The following TSKS variants were observed in gnomAD, a reference collection of about 807,000 sequenced individuals.
The protein encoded by TSKS is testis specific serine kinase substrate.
TSKS carries 27 observed loss-of-function variants against 68.0 expected under a neutral mutation model. The ratio of observed to expected loss-of-function variants is 0.40; its 90% CI spans 0.29 to 0.55. The LOEUF (loss-of-function observed/expected upper bound fraction) is 0.55. Ranked by LOEUF, TSKS falls within the 20% of genes least tolerant of loss-of-function variation. The probability of loss-of-function intolerance (pLI) is 0.53; values close to 1 mark genes in which losing one functional copy is unlikely to be tolerated. For missense variants in TSKS, 806 were observed against 776.0 expected (o/e 1.04, Z -0.46); for synonymous variants, 331 against 340.4 (o/e 0.97, Z 0.30).
chr19:49,750,663 C>T (rs567828248), intron 2 of TSKS, among the ~76,000 whole-genome samples: 1 of 152,146 alleles, frequency 6.6e-6, no homozygotes, highest in South Asian at 2.1e-4. Context: ...GGGCACTGGT[C>T]GATGTGTGGA....
At chr19:49,750,631 T>A (rs1349249796) in intron 2 of TSKS, among the ~76,000 whole-genome samples, 1 of 152,104 alleles carries the variant, frequency 6.6e-6, no homozygotes, top group African/African-American at 2.4e-5. Flanking sequence ...TTATGACCAG[T>A]TCCAGCCGAT....
rs201892800 is a variant in TSKS, at chr19:49,745,389, C to T, written c.1000G>A (p.Val334Met). The T allele has an allele frequency of 6.4e-7, 1 of 1,561,100 alleles. No homozygotes were observed. The highest frequency in any genetic ancestry group is 8.6e-7 in the Non-Finnish European group (1 of 1,156,928). ...FTGIEELRRE[V>M]SSLTARWHQE... ...TGCCACCGGGCGGTCAGTGAGGACA[C>T]CTCTCTCCTGGAGGGGCAGAGGAGG... Residue 334 changes from valine to methionine, a missense_variant, in exon 7 of 11, where the codon GTG (valine) becomes ATG (methionine). By Grantham distance (21) the Val-to-Met change is conservative (BLOSUM62 1). Coordinates refer to ENST00000246801, the MANE Select transcript of TSKS (RefSeq NM_021733.2).
chr19:49,757,154 G>A (rs1184718553), intron 2 of TSKS, among the ~76,000 whole-genome samples: 1 of 152,178 alleles, frequency 6.6e-6, no homozygotes, highest in Non-Finnish European at 1.5e-5. Context: ...TCTTCATCTA[G>A]GGAACGATAG....
At chr19:49,746,356 C>G (rs922134220) in intron 6 of TSKS, 114 bp downstream of exon 6, 1 of 1,280,676 alleles carries the variant, frequency 7.8e-7, no homozygotes, top group Non-Finnish European at 1.1e-6. Context: ...CCGCCCACCT[C>G]AGCTACTTGA....
chr19:49,762,393 T>C (rs1043759346), intron 1 of TSKS, among the ~76,000 whole-genome samples, 161 bp from the exon 2 acceptor site: 28 of 151,304 alleles, frequency 1.9e-4, no homozygotes, highest in African/African-American at 6.5e-4. Flanking sequence ...TCCTTCCCTG[T>C]GCTGCCTACT....
intron 4 of TSKS, 98 bp from the exon 5 acceptor site, chr19:49,747,570 G>GC: frequency 1.7e-6 from 2 of 1,210,694 alleles, no homozygotes; most frequent in Non-Finnish European, 1.2e-6. Context: ...AGGCCTCCTA[G>GC]CCCCCCAGTA....
At chr19:49,741,470 CTG>C (rs2084251708) in intron 9 of TSKS, among the ~76,000 whole-genome samples, 2 of 152,182 alleles carry the variant, frequency 1.3e-5, no homozygotes, top group African/African-American at 4.8e-5. Flanking sequence ...CATCAGCTAA[CTG>C]GGGCCTACAG....
chr19:49,751,553 G>C (rs1378312888), intron 2 of TSKS, among the ~76,000 whole-genome samples: 1 of 152,010 alleles, frequency 6.6e-6, no homozygotes, highest in Non-Finnish European at 1.5e-5. Flanking sequence ...GAAAATAACA[G>C]CCCACATTTC....
At chr19:49,756,984 T>C (rs576490944) in intron 2 of TSKS, among the ~76,000 whole-genome samples, 4 of 152,288 alleles carry the variant, frequency 2.6e-5, no homozygotes, top group Admixed American at 2.6e-4. Flanking sequence ...TGCTTGAACC[T>C]GAGAGGCACA....
intron 8 of TSKS, among the ~76,000 whole-genome samples, chr19:49,743,382 T>A (rs771043166): frequency 2.0e-5 from 3 of 151,348 alleles, no homozygotes; most frequent in Non-Finnish European, 2.9e-5. Context: ...CCACCCTTTT[T>A]ATTTTATTTT....
chr19:49,754,972 C>T (rs1458597335), intron 2 of TSKS, among the ~76,000 whole-genome samples: 1 of 152,116 alleles, frequency 6.6e-6, no homozygotes, highest in African/African-American at 2.4e-5. Flanking sequence ...GGGTGTGCAC[C>T]TGTAGAGCCA....
At chr19:49,756,544 G>A (rs533574766) in intron 2 of TSKS, among the ~76,000 whole-genome samples, 1 of 148,368 alleles carries the variant, frequency 6.7e-6, no homozygotes, top group East Asian at 2.0e-4. Context: ...AAAAGCTTTT[G>A]ACAAAATACC....
chr19:49,762,989 C>G, intron 1 of TSKS, 89 bp downstream of exon 1: 1 of 1,485,256 alleles, frequency 6.7e-7, no homozygotes, highest in Non-Finnish European at 9.0e-7. Flanking sequence ...TCCCCCTCCC[C>G]TTCCTCTAGC....
chr19:49,741,854 G>A, intron 9 of TSKS, 31 bp downstream of exon 9: 2 of 1,613,866 alleles, frequency 1.2e-6, no homozygotes, highest in South Asian at 1.1e-5. Flanking sequence ...GAAAAGTAAA[G>A]TGGGACATGG....
chr19:49,745,162 G>A (rs910169651), intron 7 of TSKS, 40 bp downstream of exon 7: 1 of 1,521,352 alleles, frequency 6.6e-7, no homozygotes, highest in Non-Finnish European at 8.9e-7. Context: ...GGATTGCCCT[G>A]CCCCTTCCGG....
intron 9 of TSKS, among the ~76,000 whole-genome samples, chr19:49,741,296 C>T (rs1333743297): frequency 1.3e-5 from 2 of 152,174 alleles, no homozygotes; most frequent in East Asian, 1.9e-4. Context: ...CATCAATGTC[C>T]CACAGTGCCT....
chr19:49,741,257 T>C (rs2084249765), intron 9 of TSKS, among the ~76,000 whole-genome samples: 1 of 152,124 alleles, frequency 6.6e-6, no homozygotes, highest in Non-Finnish European at 1.5e-5. Flanking sequence ...CCCCATTTCC[T>C]CTCATGTATT....
At chr19:49,756,009 A>G (rs753540973) in intron 2 of TSKS, among the ~76,000 whole-genome samples, 1 of 152,200 alleles carries the variant, frequency 6.6e-6, no homozygotes, top group Non-Finnish European at 1.5e-5. Context: ...TCAAAAAAAA[A>G]GAAAAGAAAG....
rs533904024 is a variant in TSKS, at chr19:49,753,680, G to A, written c.400-5211C>T. ...AGGCAGGAGGATCCCTTAAGCCTGG[G>A]AGTTAGAGGCTGCAGTGGGCCACAA... is the stretch of plus-strand genomic sequence containing the variant. On this transcript the variant is annotated intron_variant, in intron 2 of 10. Transcript: ENST00000246801. Among the ~76,000 whole-genome samples, 15 of 150,156 alleles carry A rather than the reference G, an allele frequency of 1.0e-4. 1 individual carries two copies. In the South Asian group the frequency reaches 2.9e-3, roughly 29 times the overall value.
Sources: gnomAD v4.1 joint callset for allele counts (sites outside exome capture counted in the v4.1 genomes callset) on GRCh38, gnomAD v4.1.1 for gene constraint, MANE v1.5 for transcripts, NCBI Gene and HGNC (gene_info 2026-07-23, HGNC 2026-07-21) for gene names.